USP22: variants seen among roughly 807,000 people sequenced by gnomAD.
USP22 encodes the protein ubiquitin specific peptidase 22.
Under a neutral mutation model 68.1 loss-of-function variants are expected in USP22, and 22 were observed. The observed-to-expected ratio is 0.32, with a 90% CI of 0.23 to 0.46. USP22 has a LOEUF of 0.46. USP22 is among the 20% of genes least tolerant of loss of function. The pLI, the probability that USP22 is intolerant of heterozygous loss-of-function variation, is 1.00. For synonymous variants in USP22, 279 were observed against 274.2 expected (o/e 1.02, Z -0.17); for missense variants, 433 against 695.8 (o/e 0.62, Z 4.25).
chr17:21,021,014 A>T (rs1972150420), intron 3 of USP22, 99 bp downstream of exon 3: 1 of 950,718 alleles, frequency 1.1e-6, no homozygotes, highest in Non-Finnish European at 1.7e-6. Context: ...CCAGCCTGCC[A>T]CTTCCCACCT....
chr17:21,011,677 C>T (rs529458050), intron 7 of USP22: 7 of 244,024 alleles, frequency 2.9e-5, no homozygotes, highest in African/African-American at 4.6e-5. Context: ...GGGCCTGTGA[C>T]CCTAGGCAAC....
At position 21,000,806 on chromosome 17, in the gene USP22, T is replaced by TA. The variant is rs1913543915; in HGVS notation, c.*2224dup. The TA allele has an allele frequency of 6.6e-6, 1 of 152,224 alleles. No homozygotes were observed. Among genetic ancestry groups the TA allele is most frequent in the Non-Finnish European group, 1.5e-5 (1 of 68,070 alleles). 9.4% of individuals were successfully genotyped at this position (152,224 alleles called of 1,614,324 possible). ...GGCCAGGTGCGGTGGCTCACGCCTA[T>TA]AATCCCAGCACTTTGGGACGCTGAG... On this transcript the variant is annotated 3_prime_UTR_variant, in exon 13 of 13. Coordinates refer to ENST00000261497, the MANE Select transcript of USP22 (RefSeq NM_015276.2).
chr17:21,031,180 C>T (rs1437306829), intron 1 of USP22, among the ~76,000 whole-genome samples: 2 of 152,168 alleles, frequency 1.3e-5, no homozygotes, highest in Admixed American at 1.3e-4. Context: ...CAGCCTAACG[C>T]TTCAATTCAT....
intron 12 of USP22, 147 bp from the exon 13 acceptor site, chr17:21,003,220 A>G: frequency 1.1e-6 from 1 of 889,624 alleles, no homozygotes; most frequent in South Asian, 1.5e-5. Context: ...TTAGTCCGCA[A>G]GGAGGAAAGA....
intron 1 of USP22, among the ~76,000 whole-genome samples, chr17:21,033,307 A>C (rs1972315241): frequency 6.6e-6 from 1 of 152,236 alleles, no homozygotes; most frequent in African/African-American, 2.4e-5. Flanking sequence ...AAACATAACT[A>C]GGATTTGTAT....
At chr17:21,013,977 G>C (rs1381595823) in intron 6 of USP22, among the ~76,000 whole-genome samples, 1 of 152,256 alleles carries the variant, frequency 6.6e-6, no homozygotes, top group Non-Finnish European at 1.5e-5. Context: ...AGGAGGCTGA[G>C]GCAGAAGAAT....
chr17:21,017,647 A>G (rs986892928), intron 5 of USP22, among the ~76,000 whole-genome samples: 1 of 152,194 alleles, frequency 6.6e-6, no homozygotes, highest in Non-Finnish European at 1.5e-5. Context: ...AGGAAGAGGA[A>G]GGGGGAGAAT....
intron 2 of USP22, among the ~76,000 whole-genome samples, chr17:21,027,211 C>A (rs1332311884): frequency 6.9e-6 from 1 of 145,192 alleles, no homozygotes; most frequent in Non-Finnish European, 1.5e-5. Flanking sequence ...TCTCCTGAGC[C>A]CAGGAGGTCA....
In USP22 at chr17:21,040,379, T is replaced by A. The variant is rs1567595123; in HGVS notation, c.171+2286A>T. Reference sequence around the variant, plus strand: ...ACATGAAGTGATACAGGTAAATAAGTCCCCCCAGTCAGAGGAAAAAGCATG... The same window carrying A: ...ACATGAAGTGATACAGGTAAATAAGACCCCCCAGTCAGAGGAAAAAGCATG... On this transcript the variant is annotated intron_variant, in intron 1 of 12. Coordinates refer to ENST00000261497, the MANE Select transcript of USP22 (RefSeq NM_015276.2). Among the ~76,000 whole-genome samples, 4 of 152,024 alleles carry A rather than the reference T, an allele frequency of 2.6e-5. No individual in the cohort carries two copies. The South Asian group carries it at 8.3e-4, about 32-fold the overall frequency.
chr17:20,999,842 C>A lies in USP22; in HGVS notation c.*3189G>T, dbSNP rs1439180798. The A allele has an allele frequency of 6.6e-6, 1 of 152,198 alleles. No homozygotes were observed. The highest frequency in any genetic ancestry group is 1.9e-4 in the East Asian group (1 of 5,204). The allele number at this position is 152,198 out of a possible 1,614,324, so 9.4% of individuals were successfully genotyped here. A position where few individuals can be genotyped will look rare whatever the true frequency, so the allele number is the denominator to read the frequency against. On this transcript the variant is annotated 3_prime_UTR_variant, in exon 13 of 13. Coordinates refer to ENST00000261497, the MANE Select transcript of USP22 (RefSeq NM_015276.2). Reference sequence around the variant, plus strand: ...TTTTACACAATGAAGAGCATACACACCAAGCCAAAATACAATAGCACTCAG... The same window carrying A: ...TTTTACACAATGAAGAGCATACACAACAAGCCAAAATACAATAGCACTCAG...
At chr17:21,018,429 T>A (rs1021709438) in intron 4 of USP22, 12 of 131,908 alleles carry the variant, frequency 9.1e-5, no homozygotes, top group Admixed American at 3.4e-4. Flanking sequence ...TTTAAAAATG[T>A]TCTAGGGCCA....
intron 2 of USP22, among the ~76,000 whole-genome samples, chr17:21,022,046 G>C (rs1231565958): frequency 6.6e-6 from 1 of 152,128 alleles, no homozygotes; most frequent in Non-Finnish European, 1.5e-5. Flanking sequence ...GTTGCAGTGT[G>C]CCAAGATCTT....
At chr17:21,040,418 CT>C (rs879743469) in intron 1 of USP22, among the ~76,000 whole-genome samples, 74 of 152,318 alleles carry the variant, frequency 4.9e-4, no homozygotes, top group Non-Finnish European at 4.9e-4. Flanking sequence ...GGCTTAAGGG[CT>C]CCTTGCTGGC....
chr17:21,022,256 G>A (rs1434769833), intron 2 of USP22, among the ~76,000 whole-genome samples: 2 of 151,968 alleles, frequency 1.3e-5, no homozygotes, highest in East Asian at 1.9e-4. Context: ...ATACATTTTC[G>A]TGTCGTTTGA....
At chr17:21,016,132 A>G (rs1237200474) in intron 5 of USP22, among the ~76,000 whole-genome samples, 1 of 152,118 alleles carries the variant, frequency 6.6e-6, no homozygotes, top group East Asian at 1.9e-4. Context: ...TTCCACATAT[A>G]AGCCTAAAAA....
chr17:21,033,096 G>T (rs1328911069), intron 1 of USP22, among the ~76,000 whole-genome samples: 1 of 152,112 alleles, frequency 6.6e-6, no homozygotes, highest in Non-Finnish European at 1.5e-5. Context: ...ACCGTGGAGG[G>T]GTGGCACTGT....
intron 11 of USP22, 84 bp downstream of exon 11, chr17:21,004,844 T>A (rs1913729894): frequency 6.6e-7 from 1 of 1,509,742 alleles, no homozygotes; most frequent in Non-Finnish European, 9.0e-7. Flanking sequence ...GGGGATCCGC[T>A]GGGCGCCCTA....
In USP22 at chr17:21,001,779, T is replaced by A. The variant is rs1392050394; in HGVS notation, c.*1252A>T. The A allele has an allele frequency of 2.0e-5, 3 of 152,208 alleles. No homozygotes were observed. The highest frequency in any genetic ancestry group is 7.2e-5 in the African/African-American group (3 of 41,450). The allele number at this position is 152,208 out of a possible 1,614,324, so 9.4% of individuals were successfully genotyped here. A position where few individuals can be genotyped will look rare whatever the true frequency, so the allele number is the denominator to read the frequency against. ...CCCCTTGTCCCTAGTTTCTAATTTC[T>A]CAGTGGACAAATGGACAAACCATCT... On this transcript the variant is annotated 3_prime_UTR_variant, in exon 13 of 13. Coordinates refer to ENST00000261497, the MANE Select transcript of USP22 (RefSeq NM_015276.2).
At chr17:21,014,932 C>T (rs759569281) in intron 6 of USP22, among the ~76,000 whole-genome samples, 1 of 152,142 alleles carries the variant, frequency 6.6e-6, no homozygotes, top group Non-Finnish European at 1.5e-5. Flanking sequence ...TGAAGAAGCC[C>T]CTGCCCCCCA....
Sources: gnomAD v4.1 joint callset for allele counts (sites outside exome capture counted in the v4.1 genomes callset) on GRCh38, gnomAD v4.1.1 for gene constraint, MANE v1.5 for transcripts, NCBI Gene and HGNC (gene_info 2026-07-23, HGNC 2026-07-21) for gene names.